SYN2: variants seen among roughly 807,000 people sequenced by gnomAD.
SYN2 encodes the protein synapsin II.
SYN2 carries 19 observed loss-of-function variants against 50.9 expected under a neutral mutation model. That is an observed-to-expected ratio of 0.37 (90% CI 0.26 to 0.55). SYN2 has a LOEUF of 0.55. Among genes scored for constraint, SYN2 ranks in the 20% least tolerant of loss-of-function variants. SYN2 has a pLI of 0.81. For synonymous variants in SYN2, 255 were observed against 224.9 expected, an observed-to-expected ratio of 1.13 and a Z score of -1.20; for missense variants, 587 against 576.4, an observed-to-expected ratio of 1.02 and a Z score of -0.19.
intron 1 of SYN2, among the ~76,000 whole-genome samples, chr3:12,038,547 C>T (rs1372283705): frequency 6.6e-6 from 1 of 152,048 alleles, no homozygotes; most frequent in Non-Finnish European, 1.5e-5. Flanking sequence ...TCCATGAACA[C>T]AGATTTTTTT....
At chr3:12,172,575 T>G (rs914914600) in intron 10 of SYN2, among the ~76,000 whole-genome samples, 1 of 152,226 alleles carries the variant, frequency 6.6e-6, no homozygotes, top group African/African-American at 2.4e-5. Flanking sequence ...CTCCTGGCTT[T>G]GATATGTGAC....
intron 1 of SYN2, among the ~76,000 whole-genome samples, chr3:12,052,031 T>C (rs780254002): frequency 2.2e-4 from 34 of 152,360 alleles, no homozygotes; most frequent in African/African-American, 5.8e-4. Context: ...TATTCACCTT[T>C]GACAAATGTT....
chr3:12,175,630 C>T (rs768619790), intron 10 of SYN2, among the ~76,000 whole-genome samples: 4 of 152,232 alleles, frequency 2.6e-5, no homozygotes, highest in East Asian at 1.9e-4. Flanking sequence ...CCTTCTCTAT[C>T]GTTGTCCTTA....
At position 12,027,999 on chromosome 3, in the gene SYN2, TTTTTTA is replaced by T. The variant is rs1309087001; in HGVS notation, c.377+23083_377+23088del. 5.5e-5 allele frequency among the ~76,000 whole-genome samples: 8 copies of T among 146,068 alleles called. No homozygotes were observed. The South Asian group carries it at 1.5e-3, about 28-fold the overall frequency. ...CTACTTCTTTTTTTTATTTTTTTAT[TTTTTTA>T]TTTTTATTTTTTCTTTCCCTCCCCC... is the stretch of plus-strand genomic sequence containing the variant. On this transcript the variant is annotated intron_variant, in intron 1 of 12. Coordinates refer to ENST00000621198, the MANE Select transcript of SYN2 (RefSeq NM_133625.6).
chr3:12,086,629 C>T (rs1453240207), intron 1 of SYN2, among the ~76,000 whole-genome samples: 5 of 152,068 alleles, frequency 3.3e-5, no homozygotes, highest in Non-Finnish European at 5.9e-5. Flanking sequence ...ATCATCATCT[C>T]GATAGATGCA....
chr3:12,183,576 C>G, intron 11 of SYN2: 1 of 1,497,416 alleles, frequency 6.7e-7, no homozygotes, highest in Non-Finnish European at 8.8e-7. Context: ...TGTGTTTTTC[C>G]TATGCAGTGT....
chr3:12,045,594 G>A (rs889081854), intron 1 of SYN2, among the ~76,000 whole-genome samples: 1 of 84,840 alleles, frequency 1.2e-5, no homozygotes. Context: ...ATTTTACAAA[G>A]TACTTTCACT....
intron 1 of SYN2, among the ~76,000 whole-genome samples, chr3:12,028,869 T>A (rs1694321780): frequency 7.9e-6 from 1 of 127,348 alleles, no homozygotes; most frequent in East Asian, 2.2e-4. Flanking sequence ...GTGCAGAAGC[T>A]CTTTAGTTTA....
intron 1 of SYN2, among the ~76,000 whole-genome samples, chr3:12,033,563 A>G (rs1574899153): frequency 6.6e-6 from 1 of 152,194 alleles, no homozygotes; most frequent in Non-Finnish European, 1.5e-5. Flanking sequence ...TTTAAAATAT[A>G]CAATTCGTTG....
At chr3:12,047,214 G>A (rs1464638577) in intron 1 of SYN2, among the ~76,000 whole-genome samples, 1 of 152,146 alleles carries the variant, frequency 6.6e-6, no homozygotes, top group African/African-American at 2.4e-5. Context: ...GCTCACAGGT[G>A]TTTTTGGTCT....
At chr3:12,183,434 T>G (rs1296053042) in intron 11 of SYN2, 62 bp downstream of exon 11, 4 of 1,610,364 alleles carry the variant, frequency 2.5e-6, no homozygotes, top group Non-Finnish European at 3.4e-6. Context: ...AAGTCCAAGC[T>G]TCTTAAAATG....
chr3:12,111,483 T>C (rs1315202066), intron 1 of SYN2, among the ~76,000 whole-genome samples: 1 of 152,216 alleles, frequency 6.6e-6, no homozygotes, highest in Admixed American at 6.5e-5. Context: ...ATTATTTTCA[T>C]CATCAGGATT....
At chr3:12,081,553 A>G (rs545868749) in intron 1 of SYN2, among the ~76,000 whole-genome samples, 1 of 152,204 alleles carries the variant, frequency 6.6e-6, no homozygotes, top group Non-Finnish European at 1.5e-5. Flanking sequence ...GACAGTGATC[A>G]GTCCTTTGTA....
chr3:12,173,279 T>A (rs1252339539), intron 10 of SYN2, among the ~76,000 whole-genome samples: 1 of 152,142 alleles, frequency 6.6e-6, no homozygotes, highest in East Asian at 1.9e-4. Context: ...AATAGCACAT[T>A]TTCTTTGGTT....
intron 1 of SYN2, among the ~76,000 whole-genome samples, chr3:12,077,969 C>G (rs1186783874): frequency 6.6e-6 from 1 of 152,122 alleles, no homozygotes; most frequent in Non-Finnish European, 1.5e-5. Flanking sequence ...TCTCTGCAAC[C>G]TTGCCAGCAT....
chr3:12,157,111 C>CA (rs1491026628), intron 5 of SYN2, among the ~76,000 whole-genome samples: 2 of 152,026 alleles, frequency 1.3e-5, no homozygotes, highest in Middle Eastern at 3.4e-3. Context: ...ACAACAACAA[C>CA]AAAAAACACC....
At chr3:12,117,503 T>C (rs1285095597) in intron 1 of SYN2, among the ~76,000 whole-genome samples, 1 of 152,240 alleles carries the variant, frequency 6.6e-6, no homozygotes, top group East Asian at 1.9e-4. Context: ...ACTTCAGATA[T>C]ATTGCTCTGA....
intron 1 of SYN2, among the ~76,000 whole-genome samples, chr3:12,006,792 A>G (rs528994144): frequency 4.6e-4 from 70 of 152,334 alleles, no homozygotes; most frequent in Middle Eastern, 3.4e-3. Flanking sequence ...ATCTAGAATT[A>G]TTGGTTGAGA....
chr3:12,054,764 C>A (rs755713202), intron 1 of SYN2, among the ~76,000 whole-genome samples: 3 of 151,316 alleles, frequency 2.0e-5, no homozygotes, highest in Non-Finnish European at 2.9e-5. Flanking sequence ...CCTCATTCTA[C>A]AGGAACATCT....
Sources: allele counts gnomAD v4.1 joint callset (sites outside exome capture counted in the v4.1 genomes callset), GRCh38; gene constraint gnomAD v4.1.1; transcripts MANE v1.5; gene names NCBI Gene and HGNC (gene_info 2026-07-23, HGNC 2026-07-21).